The following PXDNL variants were observed in gnomAD, a reference collection of about 807,000 sequenced individuals.
The protein encoded by PXDNL is peroxidasin like, also known as probable oxidoreductase PXDNL.
PXDNL carries 145 observed loss-of-function variants against 150.8 expected under a neutral mutation model. The ratio of observed to expected loss-of-function variants is 0.96; its 90% CI spans 0.84 to 1.10. The LOEUF is 1.10. PXDNL is among the 50% of genes least tolerant of loss of function. The pLI, the probability that PXDNL is intolerant of heterozygous loss-of-function variation, is 0.00. For missense variants in PXDNL, 2,087 were observed against 1,873.9 expected (o/e 1.11, Z -2.10); for synonymous variants, 757 against 725.7 (o/e 1.04, Z -0.69).
At chr8:51,599,650 T>TAATA (rs1813650706) in intron 2 of PXDNL, among the ~76,000 whole-genome samples, 1 of 146,134 alleles carries the variant, frequency 6.8e-6, no homozygotes, top group Admixed American at 6.9e-5. Context: ...ATCATTTATA[T>TAATA]AATAAATTAT....
intron 3 of PXDNL, among the ~76,000 whole-genome samples, chr8:51,578,255 T>C (rs1813133649): frequency 1.3e-5 from 2 of 151,808 alleles, no homozygotes. Context: ...AAAATAATCT[T>C]AGAATTTAAA....
At chr8:51,709,544 T>A (rs1816453154) in intron 1 of PXDNL, among the ~76,000 whole-genome samples, 1 of 152,158 alleles carries the variant, frequency 6.6e-6, no homozygotes, top group Admixed American at 6.6e-5. Context: ...TAAGCCACCA[T>A]GCCTGGCCCC....
chr8:51,712,487 G>A (rs1164844754), intron 1 of PXDNL, among the ~76,000 whole-genome samples: 1 of 152,108 alleles, frequency 6.6e-6, no homozygotes, highest in East Asian at 1.9e-4. Flanking sequence ...AGCCCAATGA[G>A]GGCAGTAGGT....
chr8:51,403,636 A>T (rs1808337222), intron 17 of PXDNL, among the ~76,000 whole-genome samples: 1 of 152,012 alleles, frequency 6.6e-6, no homozygotes, highest in Admixed American at 6.6e-5. Context: ...ATGTATCTCA[A>T]ATGTCCTTCT....
chr8:51,753,560 C>A (rs1419625861), intron 1 of PXDNL, among the ~76,000 whole-genome samples: 1 of 152,192 alleles, frequency 6.6e-6, no homozygotes. Flanking sequence ...CATCCTTAAA[C>A]AGGAACTCAA....
intron 1 of PXDNL, among the ~76,000 whole-genome samples, chr8:51,763,310 C>T (rs1030988902): frequency 2.1e-5 from 3 of 143,568 alleles, no homozygotes; most frequent in Non-Finnish European, 4.5e-5. Flanking sequence ...TACCCTAGAA[C>T]TTAAAGTATT....
intron 21 of PXDNL, among the ~76,000 whole-genome samples, chr8:51,328,675 A>C (rs1029937283): frequency 6.6e-6 from 1 of 152,174 alleles, no homozygotes; most frequent in African/African-American, 2.4e-5. Flanking sequence ...ACTAACAGAA[A>C]ATCTAAGAAC....
chr8:51,690,439 G>A (rs543140970), intron 1 of PXDNL, among the ~76,000 whole-genome samples: 4 of 152,090 alleles, frequency 2.6e-5, no homozygotes, highest in African/African-American at 7.2e-5. Context: ...TTGTCCTTGC[G>A]ATAGTTTACT....
At chr8:51,443,548 C>T (rs1421918045) in intron 12 of PXDNL, among the ~76,000 whole-genome samples, 1 of 152,254 alleles carries the variant, frequency 6.6e-6, no homozygotes, top group East Asian at 1.9e-4. Flanking sequence ...ATGCTTACTG[C>T]ATTGGGAACT....
chr8:51,456,684 C>T (rs547327439), intron 9 of PXDNL, among the ~76,000 whole-genome samples: 12 of 152,280 alleles, frequency 7.9e-5, no homozygotes, highest in South Asian at 2.1e-4. Flanking sequence ...TGTGTCTGCA[C>T]GCTAGAAGTG....
intron 19 of PXDNL, among the ~76,000 whole-genome samples, chr8:51,369,819 A>G (rs1323790379): frequency 6.6e-6 from 1 of 152,064 alleles, no homozygotes; most frequent in African/African-American, 2.4e-5. Flanking sequence ...CAAGACCCCA[A>G]CCCTCCTCTG....
chr8:51,455,725 G>A (rs1420672218), intron 9 of PXDNL, among the ~76,000 whole-genome samples: 2 of 152,106 alleles, frequency 1.3e-5, no homozygotes, highest in Non-Finnish European at 2.9e-5. Context: ...AGGGAAGGAG[G>A]CTTTGGAAGG....
chr8:51,565,381 A>T (rs1812804242), intron 3 of PXDNL, among the ~76,000 whole-genome samples: 1 of 151,812 alleles, frequency 6.6e-6, no homozygotes, highest in Non-Finnish European at 1.5e-5. Flanking sequence ...TTTTTAGTTG[A>T]AAAACCACAC....
At chr8:51,771,750 GAGAA>G (rs2037297616) in intron 1 of PXDNL, among the ~76,000 whole-genome samples, 1 of 152,162 alleles carries the variant, frequency 6.6e-6, no homozygotes, top group African/African-American at 2.4e-5. Flanking sequence ...GAGAGACAGA[GAGAA>G]AGAGACAGGG....
intron 8 of PXDNL, among the ~76,000 whole-genome samples, chr8:51,468,524 G>A (rs990804080): frequency 6.6e-6 from 1 of 151,858 alleles, no homozygotes; most frequent in Admixed American, 6.6e-5. Flanking sequence ...ATAGCATATA[G>A]CTGGATTTTA....
At chr8:51,630,264 C>A (rs1016348640) in intron 2 of PXDNL, among the ~76,000 whole-genome samples, 2 of 152,100 alleles carry the variant, frequency 1.3e-5, no homozygotes, top group African/African-American at 4.8e-5. Flanking sequence ...GCCTTCCTTA[C>A]ACCATATATA....
intron 3 of PXDNL, among the ~76,000 whole-genome samples, chr8:51,590,754 G>A (rs1813427598): frequency 6.6e-6 from 1 of 151,894 alleles, no homozygotes; most frequent in South Asian, 2.1e-4. Context: ...GCTTACAGCT[G>A]GAGAGGAATT....
chr8:51,624,672 T>C (rs929174406), intron 2 of PXDNL, among the ~76,000 whole-genome samples: 3 of 148,252 alleles, frequency 2.0e-5, no homozygotes, highest in African/African-American at 4.9e-5. Flanking sequence ...ATATATATTA[T>C]ATATTATATA....
At chr8:51,645,743 T>TA (rs1814904257) in intron 2 of PXDNL, among the ~76,000 whole-genome samples, 1 of 152,154 alleles carries the variant, frequency 6.6e-6, no homozygotes, top group East Asian at 1.9e-4. Flanking sequence ...GCAAATTTGG[T>TA]AAAATATATG....
Sources: allele counts gnomAD v4.1 joint callset (sites outside exome capture counted in the v4.1 genomes callset), GRCh38; gene constraint gnomAD v4.1.1; transcripts MANE v1.5; gene names NCBI Gene and HGNC (gene_info 2026-07-23, HGNC 2026-07-21).